ZNF510: variants seen among roughly 807,000 people sequenced by gnomAD.
ZNF510 encodes zinc finger protein 510.
A neutral mutation model predicts 18.1 loss-of-function variants in ZNF510; 15 were observed. That is an observed-to-expected ratio of 0.83 (90% CI 0.55 to 1.28). The LOEUF is 1.28. Among genes scored for constraint, ZNF510 ranks in the 50% most tolerant of loss-of-function variants. The pLI is 0.00. For synonymous variants in ZNF510, 261 were observed against 266.4 expected (o/e 0.98, Z 0.20); for missense variants, 724 against 791.8 (o/e 0.91, Z 1.03).
At chr9:96,775,160 T>C (rs1849667453) in intron 2 of ZNF510, among the ~76,000 whole-genome samples, 1 of 152,000 alleles carries the variant, frequency 6.6e-6, no homozygotes, top group South Asian at 2.1e-4. Context: ...CCTGGGTTCA[T>C]GCAATTCTCC....
chr9:96,759,831 T>C lies in ZNF510; in HGVS notation c.999A>G (p.Ile333Met). 6.2e-7 allele frequency: 1 copy of C among 1,613,800 alleles called. No homozygotes were observed. The highest frequency in any genetic ancestry group is 8.5e-7 in the Non-Finnish European group (1 of 1,179,956). ...VEEYNKLNMG[I>M]KHYELNPSGN... is the part of the protein sequence containing the mutation. The stretch of plus-strand genomic sequence containing the variant: ...CACTTGGATTTAATTCATAATGTTT[T>C]ATACCCATATTAAGTTTATTATATT... The change falls in exon 6 of 6, where the codon ATA (isoleucine) becomes ATG (methionine). Residue 333 changes from isoleucine (I) to methionine (M), a missense_variant. Transcript: ENST00000223428.
chr9:96,761,317 T>C (rs9299134), intron 5 of ZNF510, among the ~76,000 whole-genome samples: 5,698 of 152,214 alleles, frequency 0.037, 356 homozygotes, highest in African/African-American at 0.13. Context: ...ACTGTGAAAA[T>C]GACATTTAAG....
chr9:96,764,620 A>G (rs961586720), intron 3 of ZNF510, among the ~76,000 whole-genome samples: 3 of 152,318 alleles, frequency 2.0e-5, no homozygotes, highest in Admixed American at 1.3e-4. Context: ...AAAATGTACC[A>G]TTCTCTGGAC....
At chr9:96,762,664 T>C (rs1405246621) in intron 5 of ZNF510, among the ~76,000 whole-genome samples, 1 of 152,200 alleles carries the variant, frequency 6.6e-6, no homozygotes, top group Non-Finnish European at 1.5e-5. Flanking sequence ...TCACTTCATA[T>C]CTGTTATTTC....
At chr9:96,775,932 A>G in intron 2 of ZNF510, 68 bp downstream of exon 2, 1 of 1,546,418 alleles carries the variant, frequency 6.5e-7, no homozygotes, top group South Asian at 1.2e-5. Flanking sequence ...CATGGAGAAA[A>G]GCCCTCCAGT....
chr9:96,775,950 CT>C, intron 2 of ZNF510, 49 bp downstream of exon 2: 2 of 1,572,770 alleles, frequency 1.3e-6, no homozygotes, highest in Non-Finnish European at 1.7e-6. Flanking sequence ...AGTAATGTGG[CT>C]TTTCCTGTGC....
At chr9:96,774,702 A>G (rs1849652629) in intron 3 of ZNF510, 86 bp downstream of exon 3, 3 of 1,210,686 alleles carry the variant, frequency 2.5e-6, no homozygotes, top group Admixed American at 3.7e-5. Context: ...AATGATTTTG[A>G]TCCATTTCTA....
Position 96,775,991 on chromosome 9 carries a change from C to T in ZNF510, c.70+9G>A. 6 of 1,606,088 alleles carry T rather than the reference C, an allele frequency of 3.7e-6. No homozygotes were observed. Among genetic ancestry groups the T allele is most frequent in the Non-Finnish European group, 4.3e-6 (5 of 1,176,044 alleles). On this transcript the variant is annotated intron_variant, in intron 2 of 5. Coordinates refer to ENST00000223428, the MANE Select transcript of ZNF510 (RefSeq NM_014930.3). Reference sequence around the variant, plus strand: ...TGACAGTCACCCACGCCTCTCAACCCCAGCTTACCACCTTCTGCAAGTTGG... The same window carrying T: ...TGACAGTCACCCACGCCTCTCAACCTCAGCTTACCACCTTCTGCAAGTTGG...
In ZNF510 at chr9:96,776,084, C is replaced by G; in HGVS notation, c.-15G>C. ...TGTGGCGACATCACCAAGTCTGGTG[C>G]TCTCTGGGCAAGGGGATGAAGAAGT... On this transcript the variant is annotated 5_prime_UTR_variant, in exon 2 of 6. Transcript: ENST00000223428. The G allele has an allele frequency of 6.3e-7, 1 of 1,593,302 alleles. No individual in the cohort carries two copies. Among genetic ancestry groups the G allele is most frequent in the Non-Finnish European group, 8.6e-7 (1 of 1,168,490 alleles).
At position 96,774,932 on chromosome 9, in the gene ZNF510, G is replaced by C. The variant is rs373330602; in HGVS notation, c.71-86C>G. The C allele has an allele frequency of 7.9e-5, 91 of 1,152,286 alleles. No individual in the cohort carries two copies. In the East Asian group the frequency reaches 1.1e-3, roughly 14 times the overall value. The allele number at this position is 1,152,286 out of a possible 1,614,324, so 71.4% of individuals were successfully genotyped here. ...TGTCATCACACCAGCTGGGGAAAAA[G>C]GCCTCTCTACAAAAAATGTTCCTTT... is the stretch of plus-strand genomic sequence containing the variant. On this transcript the variant is annotated intron_variant, in intron 2 of 5. Coordinates refer to ENST00000223428, the MANE Select transcript of ZNF510 (RefSeq NM_014930.3).
rs1298917144 is a variant in ZNF510, at chr9:96,759,559, C to A, written c.1271G>T (p.Arg424Ile). ...CQKGHLIQHQ[R>I]THTGEKPFEC... ...AAATGGTTTCTCTCCTGTGTGAGTT[C>A]TCTGATGTTGAATGAGATGTCCTTT... Residue 424 changes from arginine to isoleucine, a missense_variant, in exon 6 of 6, where the codon AGA becomes ATA. By Grantham distance (97) the Arg-to-Ile change is moderately conservative. Transcript: ENST00000223428. 3 of 1,614,050 alleles carry A rather than the reference C, an allele frequency of 1.9e-6. No individual in the cohort carries two copies. The highest frequency in any genetic ancestry group is 2.5e-6 in the Non-Finnish European group (3 of 1,179,978).
chr9:96,774,793 A>G lies in ZNF510; in HGVS notation c.124T>C (p.Ser42Pro). ...GGTATTAGTAATTAACTCACCTGAG[A>G]TATGTTCATTTTCTGCTGCTCCTGA... The part of the protein sequence containing the change: ...LFQEQQKMNI[S>P]QASVSFKDVT... The change falls in exon 3 of 6, where the codon TCT becomes CCT. Residue 42 changes from serine (S) to proline (P), a missense_variant. Coordinates refer to ENST00000223428, the MANE Select transcript of ZNF510 (RefSeq NM_014930.3). The G allele has an allele frequency of 1.2e-6, 2 of 1,613,464 alleles. No individual in the cohort carries two copies. The highest frequency in any genetic ancestry group is 1.7e-6 in the Non-Finnish European group (2 of 1,179,806).
At chr9:96,761,184 C>T (rs952143356) in intron 5 of ZNF510, among the ~76,000 whole-genome samples, 1 of 152,170 alleles carries the variant, frequency 6.6e-6, no homozygotes, top group Non-Finnish European at 1.5e-5. Context: ...TTCTGGCTGT[C>T]ATAGCATTGA....
In ZNF510 at chr9:96,759,475, C is replaced by A. The variant is rs764632631; in HGVS notation, c.1355G>T (p.Arg452Ile). The A allele has an allele frequency of 1.4e-5, 22 of 1,613,976 alleles. No homozygotes were observed. Among genetic ancestry groups the A allele is most frequent in the Non-Finnish European group, 1.8e-5 (21 of 1,180,002 alleles). The change falls in exon 6 of 6, where the codon AGA becomes ATA. Residue 452 changes from arginine (R) to isoleucine (I), a missense_variant. By Grantham distance (97) the Arg-to-Ile change is moderately conservative. Coordinates refer to ENST00000223428, the MANE Select transcript of ZNF510 (RefSeq NM_014930.3). ...ATAGGGTTTTTCTGCTGTATGAATT[C>A]TCTGATGAGTACTGAGGTGTGACTT... ...SQKSHLSTHQ[R>I]IHTAEKPYKC...
chr9:96,760,417 T>G lies in ZNF510; in HGVS notation c.413A>C (p.Glu138Ala). ...QNKKIKDKHLEQAICINNKTL... is the reference protein window; with the variant it reads ...QNKKIKDKHLAQAICINNKTL... The stretch of plus-strand genomic sequence containing the variant: ...TTTATTATTGATACATATTGCTTGC[T>G]CCAAGTGTTTGTCTTTGATTTTCTT... The change falls in exon 6 of 6, where the codon GAG becomes GCG. Residue 138 changes from glutamate to alanine, a missense_variant. Transcript: ENST00000223428. The G allele has an allele frequency of 6.2e-7, 1 of 1,612,952 alleles. No individual in the cohort carries two copies. Among genetic ancestry groups the G allele is most frequent in the East Asian group, 2.2e-5 (1 of 44,822 alleles).
At chr9:96,762,774 T>C (rs945178052) in intron 5 of ZNF510, among the ~76,000 whole-genome samples, 5 of 152,232 alleles carry the variant, frequency 3.3e-5, no homozygotes, top group Admixed American at 3.3e-4. Context: ...TAAAAAGTTC[T>C]TGTTCAATGT....
chr9:96,759,705 T>C lies in ZNF510; in HGVS notation c.1125A>G (p.Lys375=), dbSNP rs1849298201. The change falls in exon 6 of 6, where the codon AAA becomes AAG. Residue 375 remains lysine (K), a synonymous_variant. Coordinates refer to ENST00000223428, the MANE Select transcript of ZNF510 (RefSeq NM_014930.3). The part of the protein sequence containing the change: ...VSNDRTQTWV[K]SSEYHENKKS... ...TCTTATTTTCATGATATTCAGAGGATTTAACCCAAGTCTGTGTTCTGTCAT... is the reference window on the plus strand; with the variant it reads ...TCTTATTTTCATGATATTCAGAGGACTTAACCCAAGTCTGTGTTCTGTCAT... The C allele has an allele frequency of 1.2e-6, 2 of 1,613,850 alleles. No homozygotes were observed. The highest frequency in any genetic ancestry group is 1.3e-5 in the African/African-American group (1 of 74,946).
At chr9:96,767,977 C>A (rs7046454) in intron 3 of ZNF510, among the ~76,000 whole-genome samples, 9,029 of 152,086 alleles carry the variant, frequency 0.059, 886 homozygotes, top group African/African-American at 0.2. Context: ...ACAAAATACT[C>A]GCAAACCAAA....
chr9:96,762,969 AC>A (rs1208918529), intron 5 of ZNF510, 148 bp downstream of exon 5: 1 of 628,914 alleles, frequency 1.6e-6, no homozygotes, highest in Non-Finnish European at 2.8e-6. Flanking sequence ...AATGGAATCA[AC>A]TTTATTAATT....
Sources: allele counts gnomAD v4.1 joint callset (sites outside exome capture counted in the v4.1 genomes callset), GRCh38; gene constraint gnomAD v4.1.1; transcripts MANE v1.5; gene names NCBI Gene and HGNC (gene_info 2026-07-23, HGNC 2026-07-21).